EBF1: variants seen among roughly 807,000 people sequenced by gnomAD.
EBF1 encodes transcription factor COE1.
Under a neutral mutation model 68.4 loss-of-function variants are expected in EBF1, and 10 were observed. The ratio of observed to expected loss-of-function variants is 0.15; its 90% CI spans 0.09 to 0.25. The LOEUF is 0.25. EBF1 is among the 10% of genes least tolerant of loss of function. EBF1 has a pLI of 1.00. For missense variants in EBF1, 509 were observed against 794.4 expected (o/e 0.64, Z 4.32); for synonymous variants, 298 against 299.8 (o/e 0.99, Z 0.06).
chr5:159,029,017 A>G (rs1030564945), intron 6 of EBF1, among the ~76,000 whole-genome samples: 6 of 152,202 alleles, frequency 3.9e-5, no homozygotes, highest in Admixed American at 1.3e-4. Flanking sequence ...TATATATATT[A>G]TTTTTGATAG....
At chr5:158,824,933 G>T (rs1785713676) in intron 7 of EBF1, among the ~76,000 whole-genome samples, 2 of 152,324 alleles carry the variant, frequency 1.3e-5, no homozygotes, top group African/African-American at 4.8e-5. Context: ...AGTAGCATAA[G>T]GTTGATTTTG....
intron 8 of EBF1, among the ~76,000 whole-genome samples, chr5:158,797,048 G>A (rs748793028): frequency 2.6e-5 from 4 of 152,108 alleles, no homozygotes; most frequent in Admixed American, 6.5e-5. Flanking sequence ...TTTTACAGAT[G>A]TGAAGAATGC....
At chr5:158,801,975 T>C (rs1479969041) in intron 8 of EBF1, among the ~76,000 whole-genome samples, 1 of 152,158 alleles carries the variant, frequency 6.6e-6, no homozygotes, top group Non-Finnish European at 1.5e-5. Flanking sequence ...CAGCCTCCAA[T>C]AGAAATGATC....
At chr5:158,921,187 A>G (rs1808346026) in intron 6 of EBF1, among the ~76,000 whole-genome samples, 1 of 152,162 alleles carries the variant, frequency 6.6e-6, no homozygotes, top group African/African-American at 2.4e-5. Flanking sequence ...AGAGGGAAGA[A>G]CCCAGCAAGG....
intron 10 of EBF1, among the ~76,000 whole-genome samples, chr5:158,764,151 A>G (rs1772127488): frequency 6.6e-6 from 1 of 152,174 alleles, no homozygotes; most frequent in East Asian, 1.9e-4. Context: ...AGAAACTGGC[A>G]AGAATTTGGG....
intron 6 of EBF1, among the ~76,000 whole-genome samples, chr5:159,059,763 G>T (rs543174472): frequency 6.6e-6 from 1 of 152,238 alleles, no homozygotes; most frequent in South Asian, 2.1e-4. Context: ...AACAAGGGGG[G>T]ACCAGGCTGA....
chr5:158,996,209 T>A (rs1383044276), intron 6 of EBF1, among the ~76,000 whole-genome samples: 1 of 152,232 alleles, frequency 6.6e-6, no homozygotes, highest in Non-Finnish European at 1.5e-5. Flanking sequence ...GATCTTTTTA[T>A]CTAGAAAGGA....
At chr5:158,882,762 G>C (rs548331092) in intron 6 of EBF1, among the ~76,000 whole-genome samples, 2 of 152,320 alleles carry the variant, frequency 1.3e-5, no homozygotes, top group African/African-American at 4.8e-5. Flanking sequence ...AGGAGGTTTC[G>C]ATAGCACAGG....
chr5:158,740,912 A>G (rs1423032514), intron 10 of EBF1, among the ~76,000 whole-genome samples: 1 of 152,234 alleles, frequency 6.6e-6, no homozygotes, highest in Non-Finnish European at 1.5e-5. Context: ...TACCCTGAGT[A>G]TCTCAGCAAT....
rs547822947 is a variant in EBF1 at position 158,697,896 on chromosome 5, G to A, written c.*1215C>T. 7 of 208,036 alleles carry A rather than the reference G, an allele frequency of 3.4e-5. No homozygotes were observed. The highest frequency in any genetic ancestry group is 1.2e-4 in the Admixed American group (2 of 16,818). The allele number at this position is 208,036 out of a possible 1,614,324, so 12.9% of individuals were successfully genotyped here. A position where few individuals can be genotyped will look rare whatever the true frequency, so the allele number is the denominator to read the frequency against. On this transcript the variant is annotated 3_prime_UTR_variant, in exon 16 of 16. Coordinates refer to ENST00000313708, the MANE Select transcript of EBF1 (RefSeq NM_024007.5). ...TTTAAGAACACTTCCCAGATAATGA[G>A]AGCAAAAATTCCCATAGAACAGAAA...
chr5:158,759,970 T>C (rs2127613336), intron 10 of EBF1, among the ~76,000 whole-genome samples: 1 of 152,256 alleles, frequency 6.6e-6, no homozygotes, highest in South Asian at 2.1e-4. Flanking sequence ...GTTTCCTCAA[T>C]ACTACTTGTA....
chr5:159,095,782 A>T (rs1016244448), intron 3 of EBF1, 107 bp from the exon 4 acceptor site: 9 of 1,182,214 alleles, frequency 7.6e-6, no homozygotes, highest in Non-Finnish European at 1.1e-5. Flanking sequence ...CCCCACACAC[A>T]TATCACGAAA....
chr5:159,091,941 A>G (rs1328193292), intron 4 of EBF1, among the ~76,000 whole-genome samples: 1 of 152,108 alleles, frequency 6.6e-6, no homozygotes, highest in East Asian at 1.9e-4. Context: ...TTTTGTTTTG[A>G]TAACTTAATA....
At chr5:158,975,970 G>A (rs1157436358) in intron 6 of EBF1, among the ~76,000 whole-genome samples, 1 of 152,166 alleles carries the variant, frequency 6.6e-6, no homozygotes, top group African/African-American at 2.4e-5. Flanking sequence ...TTAATGAAAC[G>A]AGGTGATTTC....
At chr5:159,073,578 A>G (rs1475989415) in intron 5 of EBF1, 114 bp from the exon 6 acceptor site, 1 of 1,112,796 alleles carries the variant, frequency 9.0e-7, no homozygotes, top group Non-Finnish European at 1.3e-6. Flanking sequence ...CCACAAAGCC[A>G]TACCTGGCAA....
intron 6 of EBF1, among the ~76,000 whole-genome samples, chr5:159,022,987 A>G (rs1767013485): frequency 6.6e-6 from 1 of 152,206 alleles, no homozygotes; most frequent in Non-Finnish European, 1.5e-5. Context: ...TTATATTAAT[A>G]TTTCCAAATG....
At chr5:158,937,837 C>A (rs1812386858) in intron 6 of EBF1, among the ~76,000 whole-genome samples, 1 of 152,228 alleles carries the variant, frequency 6.6e-6, no homozygotes, top group South Asian at 2.1e-4. Flanking sequence ...TGTATTTCAT[C>A]AGGCACCCAC....
intron 6 of EBF1, among the ~76,000 whole-genome samples, chr5:158,997,888 T>C (rs1203369664): frequency 6.6e-6 from 1 of 152,158 alleles, no homozygotes; most frequent in African/African-American, 2.4e-5. Context: ...AACAGGAATT[T>C]ACCAGATACC....
In EBF1 at chr5:158,810,595, T is replaced by C. The variant is rs1782470168; in HGVS notation, c.778+12581A>G. Reference sequence around the variant, plus strand: ...CTGCATTTCTCCCCAGAACTGTGGATGAAAAATGTGGGTTTGAACAACTGG... The same window carrying C: ...CTGCATTTCTCCCCAGAACTGTGGACGAAAAATGTGGGTTTGAACAACTGG... On this transcript the variant is annotated intron_variant, in intron 8 of 15. Transcript: ENST00000313708. Among the ~76,000 whole-genome samples, 3 of 152,244 alleles carry C rather than the reference T, an allele frequency of 2.0e-5. No individual in the cohort carries two copies. In the South Asian group the frequency reaches 6.2e-4, roughly 32 times the overall value.
Sources: allele counts gnomAD v4.1 joint callset (sites outside exome capture counted in the v4.1 genomes callset), GRCh38; gene constraint gnomAD v4.1.1; transcripts MANE v1.5; gene names NCBI Gene and HGNC (gene_info 2026-07-23, HGNC 2026-07-21).